Variants in RNASEH2B observed in about 807,000 individuals in gnomAD.
RNASEH2B encodes Aicardi-Goutieres syndrome 2 protein.
RNASEH2B carries 36 observed loss-of-function variants against 45.0 expected under a neutral mutation model. The observed-to-expected ratio is 0.80, with a 90% CI of 0.61 to 1.06. RNASEH2B has a LOEUF of 1.06. Ranked by LOEUF, RNASEH2B falls within the 50% of genes least tolerant of loss-of-function variation. The pLI, the probability that RNASEH2B is intolerant of heterozygous loss-of-function variation, is 0.00. For synonymous variants in RNASEH2B, 119 were observed against 125.7 expected, an observed-to-expected ratio of 0.95 and a Z score of 0.35; for missense variants, 361 against 360.3, an observed-to-expected ratio of 1.00 and a Z score of -0.02.
intron 4 of RNASEH2B, among the ~76,000 whole-genome samples, chr13:50,932,126 A>G (rs553879854): frequency 4.4e-4 from 67 of 152,290 alleles, no homozygotes; most frequent in African/African-American, 1.5e-3. Context: ...AATATTGTCA[A>G]TCTTTCCCGT....
At chr13:50,968,243 A>T (rs984741978) in intron 9 of RNASEH2B, among the ~76,000 whole-genome samples, 1 of 152,062 alleles carries the variant, frequency 6.6e-6, no homozygotes, top group African/African-American at 2.4e-5. Context: ...AAAAAAAAAA[A>T]TAAAAAATTA....
In RNASEH2B at chr13:50,929,465, G is replaced by A. The variant is rs761921568; in HGVS notation, c.137-10G>A. ...AAACTTACAAATAAAAGACAGATTT[G>A]TCTTAACAGGAGAAGGAGCCATTTA... On this transcript the variant is annotated splice_polypyrimidine_tract_variant and intron_variant, in intron 2 of 10. Coordinates refer to ENST00000336617, the MANE Select transcript of RNASEH2B (RefSeq NM_024570.4). The A allele has an allele frequency of 1.3e-6, 2 of 1,577,958 alleles. No homozygotes were observed. The highest frequency in any genetic ancestry group is 1.3e-5 in the African/African-American group (1 of 74,166).
intron 5 of RNASEH2B, among the ~76,000 whole-genome samples, chr13:50,939,356 C>CAAAAGAAAAA (rs1555256236): frequency 7.0e-4 from 102 of 145,644 alleles, no homozygotes; most frequent in South Asian, 1.5e-3. Context: ...GACTCTGTTT[C>CAAAAGAAAAA]AAAAGAAAAA....
chr13:50,939,975 G>A (rs761308012), intron 5 of RNASEH2B, among the ~76,000 whole-genome samples: 6 of 152,184 alleles, frequency 3.9e-5, no homozygotes, highest in Non-Finnish European at 7.4e-5. Context: ...GAGATTGTGA[G>A]TTGTGGGACA....
At chr13:50,951,538 A>C (rs1027294444) in intron 9 of RNASEH2B, 2 of 152,178 alleles carry the variant, frequency 1.3e-5, no homozygotes, top group Non-Finnish European at 2.9e-5. Flanking sequence ...AGTTGAATGC[A>C]ACCAGTGGGT....
chr13:50,930,753 T>G lies in RNASEH2B; in HGVS notation c.315T>G (p.Asp105Glu). 2.5e-6 allele frequency: 4 copies of G among 1,613,090 alleles called. No individual in the cohort carries two copies. The highest frequency in any genetic ancestry group is 1.1e-5 in the South Asian group (1 of 91,068). The change falls in exon 4 of 11, where the codon GAT becomes GAG. Residue 105 changes from aspartate to glutamate, a missense_variant. Coordinates refer to ENST00000336617, the MANE Select transcript of RNASEH2B (RefSeq NM_024570.4). ...FLLLHYLIKA[D>E]KEGKFQPLDQ... ...TTCTCCACTACCTCATAAAGGCTGA[T>G]AAGGAGGTGAGTTTCCAGCTCGGAG...
downstream of RNASEH2B, among the ~76,000 whole-genome samples, chr13:50,957,009 A>G (rs777239207): frequency 1.6e-4 from 25 of 151,536 alleles, no homozygotes; most frequent in Non-Finnish European, 8.8e-5. Flanking sequence ...AAGAACTTCA[A>G]TCTCCCATTT....
In RNASEH2B at chr13:50,930,773, T is replaced by C. The variant is rs1193678812; in HGVS notation, c.321+14T>C. The C allele has an allele frequency of 1.3e-6, 2 of 1,590,174 alleles. No individual in the cohort carries two copies. Among genetic ancestry groups the C allele is most frequent in the Non-Finnish European group, 1.7e-6 (2 of 1,158,066 alleles). On this transcript the variant is annotated intron_variant, in intron 4 of 10. Transcript: ENST00000336617. ...GCTGATAAGGAGGTGAGTTTCCAGC[T>C]CGGAGCATCCACAGTGAGGAAACAG...
At chr13:50,922,188 T>C (rs1951532566) in intron 1 of RNASEH2B, among the ~76,000 whole-genome samples, 1 of 152,172 alleles carries the variant, frequency 6.6e-6, no homozygotes. Context: ...TTTAACGTCG[T>C]AGCTTCTGAG....
chr13:50,955,443 A>G lies in RNASEH2B; in HGVS notation c.823-915A>G, dbSNP rs1952033174. On this transcript the variant is annotated intron_variant, in intron 10 of 10. Transcript: ENST00000336617. ...TGTGGGAGTGCCACTTATTGTATCCACTTGGGCACAGCATGGAGAATGTCT... is the reference window on the plus strand; with the variant it reads ...TGTGGGAGTGCCACTTATTGTATCCGCTTGGGCACAGCATGGAGAATGTCT... 2 of 152,178 alleles carry G rather than the reference A, an allele frequency of 1.3e-5. 1 individual carries two copies. Among genetic ancestry groups the G allele is most frequent in the South Asian group, 4.1e-4 (2 of 4,828 alleles). 9.4% of individuals were successfully genotyped at this position (152,178 alleles called of 1,614,324 possible). A position where few individuals can be genotyped will look rare whatever the true frequency, so the allele number is the denominator to read the frequency against.
chr13:50,968,510 T>G (rs891696981), intron 9 of RNASEH2B, among the ~76,000 whole-genome samples: 39 of 152,310 alleles, frequency 2.6e-4, no homozygotes, highest in African/African-American at 8.2e-4. Context: ...ATACAGACAG[T>G]AGGTGGCCAA....
At chr13:50,932,176 C>T (rs545416482) in intron 4 of RNASEH2B, among the ~76,000 whole-genome samples, 16 of 152,232 alleles carry the variant, frequency 1.1e-4, no homozygotes, top group East Asian at 1.9e-4. Context: ...TGCCTAATAC[C>T]GGGGTCTGAA....
intron 5 of RNASEH2B, 73 bp downstream of exon 5, chr13:50,935,072 C>T: frequency 1.1e-6 from 1 of 914,916 alleles, no homozygotes; most frequent in Middle Eastern, 2.1e-4. Context: ...TGCTTACAGA[C>T]ACACTGAATG....
intron 1 of RNASEH2B, chr13:50,910,595 A>G (rs1879317080): frequency 6.5e-6 from 1 of 154,516 alleles, no homozygotes; most frequent in South Asian, 2.0e-4. Context: ...ACAGGCCTGC[A>G]GTGGCGAGGC....
At chr13:50,934,677 G>C in intron 4 of RNASEH2B, 1 of 590,946 alleles carries the variant, frequency 1.7e-6, no homozygotes, top group Non-Finnish European at 3.0e-6. Context: ...ATGGTGTGCT[G>C]TGTGGGACTC....
intron 8 of RNASEH2B, 126 bp from the exon 9 acceptor site, chr13:50,949,337 G>C: frequency 1.3e-6 from 1 of 775,828 alleles, no homozygotes; most frequent in Non-Finnish European, 2.3e-6. Context: ...GATTGAACAG[G>C]AAGATATATG....
intron 9 of RNASEH2B, among the ~76,000 whole-genome samples, chr13:50,964,591 T>C (rs996338547): frequency 3.3e-5 from 5 of 152,230 alleles, no homozygotes; most frequent in African/African-American, 1.2e-4. Context: ...CTCTGTACCA[T>C]TCAAGCTTGT....
chr13:50,963,893 G>A (rs1185135344), intron 9 of RNASEH2B, among the ~76,000 whole-genome samples: 1 of 152,180 alleles, frequency 6.6e-6, no homozygotes, highest in Admixed American at 6.5e-5. Flanking sequence ...TCTCTTCAGT[G>A]TTTTCTAATT....
intron 4 of RNASEH2B, among the ~76,000 whole-genome samples, chr13:50,932,367 C>T (rs2137943772): frequency 6.6e-6 from 1 of 152,328 alleles, no homozygotes; most frequent in South Asian, 2.1e-4. Context: ...ATTTACAAGA[C>T]TTGTGTTCAA....
Sources: allele counts gnomAD v4.1 joint callset (sites outside exome capture counted in the v4.1 genomes callset), GRCh38; gene constraint gnomAD v4.1.1; transcripts MANE v1.5; gene names NCBI Gene and HGNC (gene_info 2026-07-23, HGNC 2026-07-21).